RMDN2: variants seen among roughly 807,000 people sequenced by gnomAD.
The protein encoded by RMDN2 is regulator of microtubule dynamics 2, also known as regulator of microtubule dynamics protein 2.
A neutral mutation model predicts 52.8 loss-of-function variants in RMDN2; 61 were observed. That is an observed-to-expected ratio of 1.16 (90% CI 0.94 to 1.43). The LOEUF is 1.43. RMDN2 is among the 40% of genes most tolerant of loss of function. The pLI is 0.00. For missense variants in RMDN2, 592 were observed against 475.3 expected, an observed-to-expected ratio of 1.25 and a Z score of -2.28; for synonymous variants, 180 against 153.1, an observed-to-expected ratio of 1.18 and a Z score of -1.30.
chr2:37,922,612 AAC>A (rs952206929), upstream of RMDN2, among the ~76,000 whole-genome samples: 1 of 152,232 alleles, frequency 6.6e-6, no homozygotes, highest in African/African-American at 2.4e-5. Flanking sequence ...CAGCCTCACA[AAC>A]ACACAGTCAC....
chr2:38,002,063 C>T (rs1676394292), intron 8 of RMDN2, among the ~76,000 whole-genome samples: 1 of 152,176 alleles, frequency 6.6e-6, no homozygotes. Flanking sequence ...GCTCCCTACC[C>T]TAGTAGGAGA....
chr2:38,066,192 T>C (rs901425986), intron 10 of RMDN2, among the ~76,000 whole-genome samples: 8 of 152,206 alleles, frequency 5.3e-5, no homozygotes, highest in African/African-American at 1.4e-4. Flanking sequence ...GAGTTTAGCA[T>C]AGTGATGCAA....
intron 2 of RMDN2, chr2:37,951,490 G>A: frequency 6.2e-7 from 1 of 1,612,060 alleles, no homozygotes; most frequent in Non-Finnish European, 8.5e-7. Context: ...TCCCCTTACT[G>A]GCAACAAAGT....
intron 10 of RMDN2, among the ~76,000 whole-genome samples, chr2:38,039,037 C>T (rs1487852520): frequency 7.3e-6 from 1 of 136,166 alleles, no homozygotes; most frequent in Non-Finnish European, 1.6e-5. Context: ...AGTTTAAAAG[C>T]CAGATGCTAT....
chr2:37,971,010 C>T (rs1342882401), intron 2 of RMDN2, among the ~76,000 whole-genome samples: 1 of 151,790 alleles, frequency 6.6e-6, no homozygotes. Context: ...TGGGTTTTTT[C>T]ACTTTTTTAA....
In RMDN2 at chr2:38,015,264, C is replaced by T. The variant is rs969503205; in HGVS notation, c.1180-1922C>T. On this transcript the variant is annotated intron_variant, in intron 10 of 10. Coordinates refer to ENST00000354545, the MANE Select transcript of RMDN2 (RefSeq NM_001170791.3). ...GGTGACTGAGTTCTTGACAGTACAA[C>T]GATAGGAATTGTTGACCCTCGACTG... Among the ~76,000 whole-genome samples the T allele has an allele frequency of 2.0e-4, 30 of 152,216 alleles. 1 individual carries two copies. The highest frequency in any genetic ancestry group is 7.4e-5 in the Non-Finnish European group (5 of 67,998).
chr2:38,008,238 T>G (rs1677407266), intron 10 of RMDN2, among the ~76,000 whole-genome samples: 1 of 152,220 alleles, frequency 6.6e-6, no homozygotes, highest in Non-Finnish European at 1.5e-5. Flanking sequence ...GGTGCAGAGC[T>G]GAGTTCAATT....
chr2:37,999,318 C>T (rs1676001797), intron 8 of RMDN2, among the ~76,000 whole-genome samples: 1 of 152,150 alleles, frequency 6.6e-6, no homozygotes, highest in Non-Finnish European at 1.5e-5. Context: ...ATAGTACTTA[C>T]CTCATAGTGG....
At chr2:37,947,976 C>G (rs935422491) in intron 2 of RMDN2, among the ~76,000 whole-genome samples, 1 of 152,140 alleles carries the variant, frequency 6.6e-6, no homozygotes, top group African/African-American at 2.4e-5. Flanking sequence ...TAGTATTGTT[C>G]ACTGTCTTTT....
intron 1 of RMDN2, among the ~76,000 whole-genome samples, chr2:37,926,513 C>A (rs1222117213): frequency 6.6e-6 from 1 of 152,162 alleles, no homozygotes; most frequent in Non-Finnish European, 1.5e-5. Flanking sequence ...TAGCACCTTA[C>A]AAATTGAAAC....
In RMDN2 at chr2:37,997,603, A is replaced by C. The variant is rs772190864; in HGVS notation, c.1044+89A>C. 15 of 853,376 alleles carry C rather than the reference A, an allele frequency of 1.8e-5. No individual in the cohort carries two copies. In the African/African-American group the frequency reaches 2.5e-4, roughly 14 times the overall value. 52.9% of individuals were successfully genotyped at this position (853,376 alleles called of 1,614,324 possible). A position where few individuals can be genotyped will look rare whatever the true frequency, so the allele number is the denominator to read the frequency against. ...CCGTTGTCAAGGAAATCTTTTCTCC[A>C]TGTGGAGCCTCAGTTTGAATCCTGG... On this transcript the variant is annotated intron_variant, in intron 8 of 10. Coordinates refer to ENST00000354545, the MANE Select transcript of RMDN2 (RefSeq NM_001170791.3).
intron 10 of RMDN2, among the ~76,000 whole-genome samples, chr2:38,046,530 TAAAC>T (rs1193686940): frequency 3.3e-5 from 5 of 151,822 alleles, no homozygotes; most frequent in Admixed American, 6.6e-5. Flanking sequence ...TAAAAAAAGA[TAAAC>T]AAAGAAATCC....
At chr2:37,979,867 G>C (rs1404590310) in intron 4 of RMDN2, among the ~76,000 whole-genome samples, 1 of 151,898 alleles carries the variant, frequency 6.6e-6, no homozygotes, top group Non-Finnish European at 1.5e-5. Context: ...AGTTTTTAAT[G>C]TTTTTACATT....
chr2:38,035,993 G>A (rs975048545), intron 10 of RMDN2: 1 of 151,306 alleles, frequency 6.6e-6, no homozygotes, highest in African/African-American at 2.4e-5. Context: ...CAGCTAGGAA[G>A]GAAATAAAAT....
intron 2 of RMDN2, chr2:37,950,364 C>A: frequency 1.5e-6 from 2 of 1,348,880 alleles, no homozygotes; most frequent in Non-Finnish European, 2.1e-6. Context: ...ATTCCAACTT[C>A]GGAGAAAGGT....
intron 10 of RMDN2, among the ~76,000 whole-genome samples, chr2:38,013,642 TTAAGA>T (rs1171891028): frequency 6.6e-6 from 1 of 152,212 alleles, no homozygotes; most frequent in African/African-American, 2.4e-5. Context: ...TCTTTCTTAA[TTAAGA>T]TATCATATTT....
chr2:38,009,213 T>G (rs957600611), intron 10 of RMDN2, among the ~76,000 whole-genome samples: 1 of 152,186 alleles, frequency 6.6e-6, no homozygotes, highest in East Asian at 1.9e-4. Flanking sequence ...GAGTATCTTT[T>G]TGGCGTTCTC....
At chr2:37,994,154 A>G (rs912905568) in intron 7 of RMDN2, among the ~76,000 whole-genome samples, 2 of 152,230 alleles carry the variant, frequency 1.3e-5, no homozygotes, top group Non-Finnish European at 2.9e-5. Flanking sequence ...CAGTAATGAC[A>G]GTCAGCAGAA....
intron 10 of RMDN2, among the ~76,000 whole-genome samples, chr2:38,052,015 A>G (rs1369442389): frequency 1.3e-5 from 2 of 152,174 alleles, no homozygotes; most frequent in Non-Finnish European, 2.9e-5. Flanking sequence ...CTGAGTTCCT[A>G]TCATTTGGAT....
Sources: allele counts gnomAD v4.1 joint callset (sites outside exome capture counted in the v4.1 genomes callset), GRCh38; gene constraint gnomAD v4.1.1; transcripts MANE v1.5; gene names NCBI Gene and HGNC (gene_info 2026-07-23, HGNC 2026-07-21).